Variants in COMMD10 observed in about 807,000 individuals in gnomAD.
The protein encoded by COMMD10 is COMM domain containing 10.
Under a neutral mutation model 28.9 loss-of-function variants are expected in COMMD10, and 33 were observed. That is an observed-to-expected ratio of 1.14 (90% CI 0.87 to 1.53). COMMD10 has a LOEUF of 1.53. Among genes scored for constraint, COMMD10 ranks in the 40% most tolerant of loss-of-function variants. The pLI is 0.00. For synonymous variants in COMMD10, 110 were observed against 81.7 expected, an observed-to-expected ratio of 1.35 and a Z score of -1.87; for missense variants, 310 against 233.4, an observed-to-expected ratio of 1.33 and a Z score of -2.14.
At chr5:116,239,406 A>G (rs1042016723) in intron 5 of COMMD10, among the ~76,000 whole-genome samples, 1 of 152,130 alleles carries the variant, frequency 6.6e-6, no homozygotes, top group Non-Finnish European at 1.5e-5. Context: ...GGAAGATTTG[A>G]GGGTTGGTTT....
chr5:116,128,639 G>T (rs902515857), intron 4 of COMMD10, among the ~76,000 whole-genome samples: 1 of 151,908 alleles, frequency 6.6e-6, no homozygotes, highest in East Asian at 1.9e-4. Context: ...AATGGTATGA[G>T]ATTTTTCATC....
chr5:116,284,753 C>A (rs1751173181), intron 5 of COMMD10, among the ~76,000 whole-genome samples: 1 of 151,764 alleles, frequency 6.6e-6, no homozygotes. Flanking sequence ...TTCTCTTTTT[C>A]TTCCCTTAAC....
At chr5:116,274,357 A>C (rs1333224247) in intron 5 of COMMD10, among the ~76,000 whole-genome samples, 1 of 151,904 alleles carries the variant, frequency 6.6e-6, no homozygotes, top group Non-Finnish European at 1.5e-5. Context: ...TTTGCAGACT[A>C]TACAGCTCTG....
intron 5 of COMMD10, chr5:116,188,639 C>G (rs1417168255): frequency 7.5e-6 from 1 of 133,812 alleles, no homozygotes; most frequent in Admixed American, 7.6e-5. Flanking sequence ...CTCTCTCTCT[C>G]TTTTTTTTTT....
chr5:116,215,125 T>G (rs565186744), intron 5 of COMMD10, among the ~76,000 whole-genome samples: 1 of 152,054 alleles, frequency 6.6e-6, no homozygotes, highest in South Asian at 2.1e-4. Flanking sequence ...TTTATTGATA[T>G]ATAATAATTA....
intron 5 of COMMD10, among the ~76,000 whole-genome samples, chr5:116,184,777 T>A (rs537028661): frequency 5.6e-4 from 86 of 152,256 alleles, no homozygotes; most frequent in Non-Finnish European, 8.7e-4. Flanking sequence ...TTTTATGGGC[T>A]TTTAGCCAGA....
chr5:116,244,203 T>A (rs1749883211), intron 5 of COMMD10, among the ~76,000 whole-genome samples: 2 of 152,216 alleles, frequency 1.3e-5, no homozygotes, highest in South Asian at 4.1e-4. Context: ...AAGAGACTGC[T>A]TTCTTTCATT....
chr5:116,219,733 C>T (rs768391306), intron 5 of COMMD10, among the ~76,000 whole-genome samples: 1 of 152,122 alleles, frequency 6.6e-6, no homozygotes, highest in African/African-American at 2.4e-5. Context: ...TTTTCAGCAG[C>T]CATAGGTAAC....
At chr5:116,225,984 C>T (rs1749385838) in intron 5 of COMMD10, among the ~76,000 whole-genome samples, 1 of 151,898 alleles carries the variant, frequency 6.6e-6, no homozygotes, top group Non-Finnish European at 1.5e-5. Flanking sequence ...GCTCTTTTTC[C>T]AGCTCTCCAC....
chr5:116,285,688 T>C (rs867531735), intron 5 of COMMD10, among the ~76,000 whole-genome samples: 2 of 151,990 alleles, frequency 1.3e-5, no homozygotes, highest in Non-Finnish European at 2.9e-5. Flanking sequence ...CATGCTTGCA[T>C]TGTAGAAATA....
intron 5 of COMMD10, among the ~76,000 whole-genome samples, chr5:116,221,671 C>T (rs911885993): frequency 2.0e-5 from 3 of 152,140 alleles, no homozygotes; most frequent in African/African-American, 7.2e-5. Context: ...CATCTCCTCA[C>T]TGTGGGCTAT....
At chr5:116,259,825 G>C (rs1307740588) in intron 5 of COMMD10, among the ~76,000 whole-genome samples, 1 of 151,668 alleles carries the variant, frequency 6.6e-6, no homozygotes, top group African/African-American at 2.4e-5. Context: ...TCCATAGTCA[G>C]AAATTGCATT....
At chr5:116,088,705 T>G (rs193285295) in intron 2 of COMMD10, among the ~76,000 whole-genome samples, 1 of 152,326 alleles carries the variant, frequency 6.6e-6, no homozygotes, top group East Asian at 1.9e-4. Context: ...TAAATGTCCT[T>G]CTTCCCCTTT....
intron 5 of COMMD10, among the ~76,000 whole-genome samples, chr5:116,205,958 T>C (rs1748802461): frequency 6.7e-6 from 1 of 150,036 alleles, no homozygotes; most frequent in Non-Finnish European, 1.5e-5. Context: ...CCTCCCTTGT[T>C]AGTTTACATG....
intron 4 of COMMD10, among the ~76,000 whole-genome samples, chr5:116,103,511 G>T (rs942632017): frequency 1.3e-4 from 20 of 151,972 alleles, no homozygotes; most frequent in Admixed American, 7.2e-4. Context: ...TTTTTGATGG[G>T]TTTTTTTCTT....
intron 5 of COMMD10, among the ~76,000 whole-genome samples, chr5:116,288,253 A>G (rs915865384): frequency 6.6e-5 from 10 of 151,722 alleles, no homozygotes; most frequent in African/African-American, 1.9e-4. Flanking sequence ...TCCTTTCAGC[A>G]CTTTGAGTAT....
intron 4 of COMMD10, among the ~76,000 whole-genome samples, chr5:116,102,611 A>T (rs937593227): frequency 3.3e-5 from 5 of 152,150 alleles, no homozygotes; most frequent in African/African-American, 4.8e-5. Flanking sequence ...TGGTATTTTG[A>T]TAAGGATTGC....
intron 5 of COMMD10, among the ~76,000 whole-genome samples, chr5:116,186,312 C>T (rs567603744): frequency 2.0e-5 from 3 of 152,102 alleles, no homozygotes; most frequent in Non-Finnish European, 2.9e-5. Flanking sequence ...GTTTCATTTC[C>T]GCACTTAACA....
intron 4 of COMMD10, among the ~76,000 whole-genome samples, chr5:116,130,954 A>G (rs373853148): frequency 2.6e-5 from 4 of 152,128 alleles, no homozygotes; most frequent in African/African-American, 9.6e-5. Flanking sequence ...GTGATGATAT[A>G]TATTTTGAGT....
Sources: gnomAD v4.1 joint callset for allele counts (sites outside exome capture counted in the v4.1 genomes callset) on GRCh38, gnomAD v4.1.1 for gene constraint, MANE v1.5 for transcripts, NCBI Gene and HGNC (gene_info 2026-07-23, HGNC 2026-07-21) for gene names.